USP15: variants seen among roughly 807,000 people sequenced by gnomAD.
The protein encoded by USP15 is ubiquitin carboxyl-terminal hydrolase 15.
A neutral mutation model predicts 127.1 loss-of-function variants in USP15; 18 were observed. That is an observed-to-expected ratio of 0.14 (90% CI 0.10 to 0.21). The LOEUF (loss-of-function observed/expected upper bound fraction) is 0.21, where lower values mean the gene tolerates loss of function less well. Among genes scored for constraint, USP15 ranks in the 10% least tolerant of loss-of-function variants. USP15 has a pLI of 1.00. For missense variants in USP15, 805 were observed against 1,159.9 expected (o/e 0.69, Z 4.44); for synonymous variants, 364 against 393.7 (o/e 0.92, Z 0.89).
intron 3 of USP15, 113 bp downstream of exon 3, chr12:62,303,033 C>A: frequency 8.1e-7 from 1 of 1,240,532 alleles, no homozygotes. Flanking sequence ...AAAAAGCCAG[C>A]AAAATAACCG....
intron 2 of USP15, among the ~76,000 whole-genome samples, chr12:62,298,601 G>A (rs920512286): frequency 2.6e-5 from 4 of 151,986 alleles, no homozygotes; most frequent in East Asian, 1.9e-4. Context: ...GGAAGGCAGC[G>A]GTTCAGCAAG....
rs183490460 is a variant in USP15, at chr12:62,414,982, A to G, written c.*10607A>G. On this transcript the variant is annotated 3_prime_UTR_variant, in exon 22 of 22. Coordinates refer to ENST00000280377, the MANE Select transcript of USP15 (RefSeq NM_001252078.2). ...ATATACACATATCATGTATATACAT[A>G]TATATCATATATGTACATATATATA... 6.7e-6 allele frequency: 1 copy of G among 150,186 alleles called. No individual in the cohort carries two copies. Among genetic ancestry groups the G allele is most frequent in the Admixed American group, 6.6e-5 (1 of 15,042 alleles). The allele number at this position is 150,186 out of a possible 1,614,324, so 9.3% of individuals were successfully genotyped here.
rs897732279 is a variant in USP15, at chr12:62,408,734, A to G, written c.*4359A>G. On this transcript the variant is annotated 3_prime_UTR_variant, in exon 22 of 22. Transcript: ENST00000280377. ...TTATATCCTTGCTAGTTTTTGTTAT[A>G]TATTCAGTTGCAGATCTATATTATA... 23 of 152,108 alleles carry G rather than the reference A, an allele frequency of 1.5e-4. No homozygotes were observed. Among genetic ancestry groups the G allele is most frequent in the African/African-American group, 5.6e-4 (23 of 41,436 alleles). 9.4% of individuals were successfully genotyped at this position (152,108 alleles called of 1,614,324 possible).
In USP15 at chr12:62,396,260, A is replaced by C. The variant is rs767638686; in HGVS notation, c.2571-35A>C. The C allele has an allele frequency of 2.0e-6, 3 of 1,521,510 alleles. No homozygotes were observed. In the African/African-American group the frequency reaches 4.2e-5, roughly 21 times the overall value. The allele number at this position is 1,521,510 out of a possible 1,614,324, so 94.3% of individuals were successfully genotyped here. On this transcript the variant is annotated intron_variant, in intron 19 of 21. Coordinates refer to ENST00000280377, the MANE Select transcript of USP15 (RefSeq NM_001252078.2). ...AATAGAATTCATTGCATTTAGGGACAACATAAAAATTAACTTGGTTTCTTT... is the reference window on the plus strand; with the variant it reads ...AATAGAATTCATTGCATTTAGGGACCACATAAAAATTAACTTGGTTTCTTT...
chr12:62,297,899 G>A (rs768107044), intron 2 of USP15, among the ~76,000 whole-genome samples: 13 of 152,052 alleles, frequency 8.5e-5, no homozygotes, highest in Non-Finnish European at 1.6e-4. Context: ...TGAGTTACAC[G>A]AAAACATAGA....
At chr12:62,347,694 C>T (rs1412502586) in intron 6 of USP15, among the ~76,000 whole-genome samples, 1 of 151,906 alleles carries the variant, frequency 6.6e-6, no homozygotes, top group African/African-American at 2.4e-5. Flanking sequence ...GTGTTCTATA[C>T]ATTGTTTTAT....
intron 6 of USP15, among the ~76,000 whole-genome samples, chr12:62,344,986 G>A (rs1021264644): frequency 1.3e-5 from 2 of 152,238 alleles, no homozygotes; most frequent in African/African-American, 4.8e-5. Flanking sequence ...CCTGTGATGG[G>A]AGGGGCTGCT....
rs532696299 is a variant in USP15 at position 62,286,504 on chromosome 12, C to T, written c.90-7675C>T. Among the ~76,000 whole-genome samples, 13 of 152,244 alleles carry T rather than the reference C, an allele frequency of 8.5e-5. No individual in the cohort carries two copies. In the East Asian group the frequency reaches 1.5e-3, roughly 18 times the overall value. ...AAGAACTAAAAATAGAAATACCATT[C>T]GCTCAGCAGTCCCATTACTAGAAAA... On this transcript the variant is annotated intron_variant, in intron 1 of 21. Transcript: ENST00000280377.
chr12:62,327,925 T>C (rs1045209427), intron 6 of USP15: 2 of 217,408 alleles, frequency 9.2e-6, no homozygotes, highest in Non-Finnish European at 1.9e-5. Flanking sequence ...TGCAGTAATA[T>C]GTCATAAATT....
chr12:62,342,642 C>CT (rs952873515), intron 6 of USP15, among the ~76,000 whole-genome samples: 1 of 152,070 alleles, frequency 6.6e-6, no homozygotes, highest in Non-Finnish European at 1.5e-5. Context: ...TGTTTTTCTT[C>CT]TAACAGTCGG....
chr12:62,337,660 G>C (rs1350818887), intron 6 of USP15, among the ~76,000 whole-genome samples: 2 of 150,030 alleles, frequency 1.3e-5, no homozygotes, highest in Non-Finnish European at 3.0e-5. Flanking sequence ...GCCCTGGTGT[G>C]TGTTGTTCCC....
intron 3 of USP15, among the ~76,000 whole-genome samples, chr12:62,313,762 G>C (rs910107884): frequency 6.6e-6 from 1 of 151,718 alleles, no homozygotes; most frequent in African/African-American, 2.4e-5. Context: ...ATTGTAACAA[G>C]TATGATTAAG....
chr12:62,286,991 A>G (rs1281315003), intron 1 of USP15, among the ~76,000 whole-genome samples: 1 of 152,164 alleles, frequency 6.6e-6, no homozygotes, highest in Non-Finnish European at 1.5e-5. Flanking sequence ...GCAGCTATCA[A>G]AAAGAATGAA....
chr12:62,324,261 T>G (rs945670900), intron 5 of USP15, among the ~76,000 whole-genome samples: 3 of 152,126 alleles, frequency 2.0e-5, no homozygotes, highest in African/African-American at 7.2e-5. Context: ...AGCATTAGTA[T>G]TTGTGGTTTT....
chr12:62,268,545 C>T (rs557787597), intron 1 of USP15, among the ~76,000 whole-genome samples: 1 of 152,112 alleles, frequency 6.6e-6, no homozygotes, highest in African/African-American at 2.4e-5. Flanking sequence ...ATAGTGTCTC[C>T]CATTTCCTGC....
chr12:62,331,207 T>A (rs2065289579), intron 6 of USP15, among the ~76,000 whole-genome samples: 1 of 152,126 alleles, frequency 6.6e-6, no homozygotes, highest in Non-Finnish European at 1.5e-5. Flanking sequence ...CTAGCTAGGG[T>A]GTCAAACACC....
chr12:62,392,924 A>G, intron 18 of USP15, 129 bp from the exon 19 acceptor site: 1 of 939,754 alleles, frequency 1.1e-6, no homozygotes, highest in Non-Finnish European at 1.6e-6. Context: ...TCAACCTGGT[A>G]CATATTAGGC....
chr12:62,407,904 C>T lies in USP15; in HGVS notation c.*3529C>T, dbSNP rs1347221137. ...ATTAACCTCCTTGAAAAAGTTGCAG[C>T]CTGGTGCTTTATTTAAATATCTTGC... On this transcript the variant is annotated 3_prime_UTR_variant, in exon 22 of 22. Transcript: ENST00000280377. The T allele has an allele frequency of 6.6e-5, 10 of 152,166 alleles. No individual in the cohort carries two copies. Among genetic ancestry groups the T allele is most frequent in the Non-Finnish European group, 2.9e-5 (2 of 68,020 alleles). 9.4% of individuals were successfully genotyped at this position (152,166 alleles called of 1,614,324 possible).
intron 1 of USP15, among the ~76,000 whole-genome samples, chr12:62,292,305 A>T (rs2063995542): frequency 6.6e-6 from 1 of 152,252 alleles, no homozygotes; most frequent in African/African-American, 2.4e-5. Context: ...CTAGAACTAC[A>T]GGAGATGCTT....
Sources: gnomAD v4.1 joint callset for allele counts (sites outside exome capture counted in the v4.1 genomes callset) on GRCh38, gnomAD v4.1.1 for gene constraint, MANE v1.5 for transcripts, NCBI Gene and HGNC (gene_info 2026-07-23, HGNC 2026-07-21) for gene names.